The following SRGAP3 variants were observed in gnomAD, a reference collection of about 807,000 sequenced individuals.
The protein encoded by SRGAP3 is SLIT-ROBO Rho GTPase activating protein 3, also known as SLIT-ROBO Rho GTPase-activating protein 3.
SRGAP3 carries 39 observed loss-of-function variants against 121.1 expected under a neutral mutation model. That is an observed-to-expected ratio of 0.32 (90% confidence interval 0.25 to 0.42). The LOEUF (loss-of-function observed/expected upper bound fraction) is 0.42, where lower values mean the gene tolerates loss of function less well. Ranked by LOEUF, SRGAP3 falls within the 10% of genes least tolerant of loss-of-function variation. The pLI is 1.00. For synonymous variants in SRGAP3, 601 were observed against 570.0 expected (o/e 1.05, Z -0.77); for missense variants, 1,213 against 1,470.6 (o/e 0.82, Z 2.86).
chr3:9,006,071 C>A (rs1302309266), intron 18 of SRGAP3, among the ~76,000 whole-genome samples: 1 of 149,172 alleles, frequency 6.7e-6, no homozygotes, highest in African/African-American at 2.5e-5. Context: ...AAGAAATTGG[C>A]CACTGTTCTT....
At chr3:9,146,808 C>A (rs990490704) in intron 1 of SRGAP3, among the ~76,000 whole-genome samples, 2 of 152,178 alleles carry the variant, frequency 1.3e-5, no homozygotes, top group Admixed American at 1.3e-4. Context: ...GAGGACGATG[C>A]GTCCCTCTTG....
chr3:9,112,505 G>C (rs1948666899), intron 2 of SRGAP3, among the ~76,000 whole-genome samples: 1 of 152,226 alleles, frequency 6.6e-6, no homozygotes, highest in East Asian at 1.9e-4. Flanking sequence ...AGTCTAGTGG[G>C]GGTCTCAGAT....
Position 9,243,464 on chromosome 3 carries a change from G to A in SRGAP3, c.67+5421C>T, listed in dbSNP as rs547379359. On this transcript the variant is annotated intron_variant, in intron 1 of 21. Coordinates refer to ENST00000383836, the MANE Select transcript of SRGAP3 (RefSeq NM_014850.4). ...AGTCTGGCCAACATGGTGAAACCCC[G>A]TCTCTACTGAAAATACAAAAATTAG... Among the ~76,000 whole-genome samples, 4 of 152,088 alleles carry A rather than the reference G, an allele frequency of 2.6e-5. 1 individual carries two copies. Among genetic ancestry groups the A allele is most frequent in the African/African-American group, 9.6e-5 (4 of 41,490 alleles).
chr3:9,203,934 G>A (rs561601112), intron 1 of SRGAP3, among the ~76,000 whole-genome samples: 169 of 152,266 alleles, frequency 1.1e-3, no homozygotes, highest in African/African-American at 2.9e-3. Context: ...TCACTGATGG[G>A]GCCTGGTCTC....
rs548546465 is a variant in SRGAP3 at position 9,290,065 on chromosome 3, T to C, written n.442+35945A>G. On this transcript the variant is annotated intron_variant and non_coding_transcript_variant, in intron 3 of 3. Transcript: ENST00000490889. ...GGCAGGGGTTGCAGCGAGCTGAGAT[T>C]GTGCCACTGCACTCCAGCCTGGGCG... 5.9e-5 allele frequency among the ~76,000 whole-genome samples: 9 copies of C among 152,056 alleles called. No individual in the cohort carries two copies. In the East Asian group the frequency reaches 1.7e-3, roughly 30 times the overall value.
At chr3:9,297,510 C>G (rs1219011521) in intron 3 of SRGAP3, among the ~76,000 whole-genome samples, 2 of 152,058 alleles carry the variant, frequency 1.3e-5, no homozygotes, top group East Asian at 3.9e-4. Flanking sequence ...CAGAATGTGA[C>G]TAAATTTGGA....
Position 9,058,491 on chromosome 3 carries a change from C to A in SRGAP3, c.802-19G>T. 1.9e-6 allele frequency: 3 copies of A among 1,612,628 alleles called. No homozygotes were observed. Among genetic ancestry groups the A allele is most frequent in the Non-Finnish European group, 2.5e-6 (3 of 1,179,588 alleles). ...CACAGCACTTGGGGAGAGGCAACAACGGAAGGTTATGGGTGACAGCCAGGA... is the reference window on the plus strand; with the variant it reads ...CACAGCACTTGGGGAGAGGCAACAAAGGAAGGTTATGGGTGACAGCCAGGA... On this transcript the variant is annotated intron_variant, in intron 6 of 21. Coordinates refer to ENST00000383836, the MANE Select transcript of SRGAP3 (RefSeq NM_014850.4).
intron 11 of SRGAP3, chr3:9,035,962 A>G (rs1362131507): frequency 6.6e-6 from 1 of 152,314 alleles, no homozygotes; most frequent in Non-Finnish European, 1.5e-5. Context: ...CCACGAGGGC[A>G]TGTCAACCTG....
chr3:9,116,293 C>T (rs1948802301), intron 2 of SRGAP3, among the ~76,000 whole-genome samples: 1 of 152,164 alleles, frequency 6.6e-6, no homozygotes, highest in Admixed American at 6.5e-5. Flanking sequence ...CGCAGCCACA[C>T]AAAATAAGTC....
intron 3 of SRGAP3, among the ~76,000 whole-genome samples, chr3:9,277,337 C>T (rs896795622): frequency 5.3e-5 from 8 of 152,004 alleles, no homozygotes; most frequent in Admixed American, 1.3e-4. Flanking sequence ...TGGTGGCTTA[C>T]GCCTGTAATC....
At position 8,985,488 on chromosome 3, in the gene SRGAP3, C is replaced by T. The variant is rs375961023; in HGVS notation, c.*31G>A. On this transcript the variant is annotated 3_prime_UTR_variant, in exon 22 of 22. Transcript: ENST00000383836. This position sits in a 1 kb window ranked among gnomAD's most constrained non-coding sequence, Gnocchi z 5.1. ...CACCCTGGGCCGTGGTGAGCCACAG[C>T]GGGCCACGGCGGCGCGGCCCATCCT... is the stretch of plus-strand genomic sequence containing the variant. 78 of 1,596,632 alleles carry T rather than the reference C, an allele frequency of 4.9e-5. No homozygotes were observed. Among genetic ancestry groups the T allele is most frequent in the East Asian group, 8.9e-5 (4 of 44,808 alleles).
At chr3:9,128,244 T>C (rs1302318641) in intron 1 of SRGAP3, among the ~76,000 whole-genome samples, 1 of 152,252 alleles carries the variant, frequency 6.6e-6, no homozygotes, top group Non-Finnish European at 1.5e-5. Context: ...TTTAATGATT[T>C]ATCAAATGTG....
intron 1 of SRGAP3, among the ~76,000 whole-genome samples, chr3:9,191,877 G>C (rs1951763193): frequency 6.6e-6 from 1 of 152,052 alleles, no homozygotes; most frequent in African/African-American, 2.4e-5. Flanking sequence ...AAAGTGTGTA[G>C]CATCTCCCCC....
Position 9,053,216 on chromosome 3 carries a change from T to C in SRGAP3, c.1134A>G (p.Lys378=). 1 of 1,613,908 alleles carries C rather than the reference T, an allele frequency of 6.2e-7. No individual in the cohort carries two copies. Among genetic ancestry groups the C allele is most frequent in the Non-Finnish European group, 8.5e-7 (1 of 1,179,906 alleles). Residue 378 remains lysine (K), a synonymous_variant, in exon 9 of 22, where the codon AAA becomes AAG. Coordinates refer to ENST00000383836, the MANE Select transcript of SRGAP3 (RefSeq NM_014850.4). ...ATGTCTGCATGGTGGCATCCAGGGT[T>C]TTCCTAACCTGGGGAAACACAGCAG... ...TLKIENEEVR[K]TLDATMQTLQ...
Position 9,203,138 on chromosome 3 carries a change from G to A in SRGAP3, c.67+45747C>T, listed in dbSNP as rs147799023. On this transcript the variant is annotated intron_variant, in intron 1 of 21. Coordinates refer to ENST00000383836, the MANE Select transcript of SRGAP3 (RefSeq NM_014850.4). ...ACTCCCAGTCTGTTTCTCGGGAATC[G>A]GGTCTCATAAAGACATTTTTGTCCT... Among the ~76,000 whole-genome samples, 258 of 152,160 alleles carry A rather than the reference G, an allele frequency of 1.7e-3. 1 individual carries two copies. The highest frequency in any genetic ancestry group is 6.1e-3 in the African/African-American group (253 of 41,508).
intron 3 of SRGAP3, among the ~76,000 whole-genome samples, chr3:9,097,980 C>T (rs1433541760): frequency 6.6e-6 from 1 of 152,196 alleles, no homozygotes; most frequent in Non-Finnish European, 1.5e-5. Context: ...CTCCCTGATA[C>T]ACCCCTGCAC....
intron 3 of SRGAP3, among the ~76,000 whole-genome samples, chr3:9,258,546 G>A (rs1407910297): frequency 6.6e-6 from 1 of 152,186 alleles, no homozygotes; most frequent in Non-Finnish European, 1.5e-5. Context: ...GACTAGAACA[G>A]GCAAGACAAG....
intron 2 of SRGAP3, among the ~76,000 whole-genome samples, chr3:9,115,144 C>T (rs1309876233): frequency 6.6e-6 from 1 of 152,158 alleles, no homozygotes; most frequent in Admixed American, 6.5e-5. Flanking sequence ...GTTCACCCTG[C>T]CTTGCCTATC....
chr3:9,173,759 C>T (rs374612743), intron 1 of SRGAP3, among the ~76,000 whole-genome samples: 13 of 152,112 alleles, frequency 8.5e-5, no homozygotes, highest in African/African-American at 2.9e-4. Flanking sequence ...AGCCACCCAC[C>T]TCCACCCCTG....
Sources: gnomAD v4.1 joint callset for allele counts (sites outside exome capture counted in the v4.1 genomes callset) on GRCh38, gnomAD v4.1.1 for gene constraint, Gnocchi (gnomAD v3.1) non-coding constraint, MANE v1.5 for transcripts, NCBI Gene and HGNC (gene_info 2026-07-23, HGNC 2026-07-21) for gene names.